ROS1: variants seen among roughly 807,000 people sequenced by gnomAD.
ROS1 encodes ROS proto-oncogene 1, receptor tyrosine kinase, also known as proto-oncogene tyrosine-protein kinase ROS.
ROS1 carries 263 observed loss-of-function variants against 273.5 expected under a neutral mutation model. The ratio of observed to expected loss-of-function variants is 0.96; its 90% CI spans 0.87 to 1.06. The LOEUF is 1.06. Among genes scored for constraint, ROS1 ranks in the 50% least tolerant of loss-of-function variants. The pLI is 0.00. For missense variants in ROS1, 2,833 were observed against 2,751.1 expected, an observed-to-expected ratio of 1.03 and a Z score of -0.67; for synonymous variants, 1,008 against 954.1, an observed-to-expected ratio of 1.06 and a Z score of -1.04.
In ROS1 at chr6:117,319,898, A is replaced by C; in HGVS notation, c.5892T>G (p.Val1964=). 6.2e-7 allele frequency: 1 copy of C among 1,613,276 alleles called. No homozygotes were observed. Among genetic ancestry groups the C allele is most frequent in the South Asian group, 1.1e-5 (1 of 91,054 alleles). ...YEGTAVDILG[V]GSGEIKVAVK... is the part of the protein sequence containing the mutation. ...CTGCTACTTTGATTTCTCCACTTCCAACTCCTAAGATGTCCACTGCTGTTC... is the reference window on the plus strand; with the variant it reads ...CTGCTACTTTGATTTCTCCACTTCCCACTCCTAAGATGTCCACTGCTGTTC... The change falls in exon 37 of 44, where the codon GTT becomes GTG. Residue 1964 remains valine (V), a synonymous_variant. Coordinates refer to ENST00000368507, the MANE Select transcript of ROS1 (RefSeq NM_001378902.1).
intron 31 of ROS1, among the ~76,000 whole-genome samples, chr6:117,340,171 G>C (rs1268333160): frequency 1.3e-5 from 2 of 152,046 alleles, no homozygotes; most frequent in African/African-American, 4.8e-5. Context: ...TTTTTAAATA[G>C]ACAACAAATT....
chr6:117,403,675 T>C (rs1774142223), intron 6 of ROS1, among the ~76,000 whole-genome samples: 1 of 152,156 alleles, frequency 6.6e-6, no homozygotes, highest in African/African-American at 2.4e-5. Context: ...CCATCCTAGC[T>C]AGACTCATCT....
At chr6:117,398,604 A>G (rs999987301) in intron 7 of ROS1, among the ~76,000 whole-genome samples, 66 of 151,022 alleles carry the variant, frequency 4.4e-4, no homozygotes, top group African/African-American at 1.5e-3. Flanking sequence ...ACTTGAACCC[A>G]GGAGGCAGAA....
chr6:117,333,742 C>T (rs186521522), intron 32 of ROS1, among the ~76,000 whole-genome samples: 50 of 152,160 alleles, frequency 3.3e-4, no homozygotes, highest in African/African-American at 9.9e-4. Flanking sequence ...AAAAATCACA[C>T]GATTATCTGA....
intron 21 of ROS1, among the ~76,000 whole-genome samples, chr6:117,364,075 G>A (rs1780014534): frequency 6.6e-6 from 1 of 152,132 alleles, no homozygotes; most frequent in East Asian, 1.9e-4. Context: ...CCTGATGGAT[G>A]CAGTCAAGTC....
intron 18 of ROS1, among the ~76,000 whole-genome samples, chr6:117,369,356 A>ACATC (rs2128667414): frequency 6.6e-6 from 1 of 152,240 alleles, no homozygotes; most frequent in Admixed American, 6.5e-5. Flanking sequence ...GAGGAGCTAG[A>ACATC]CTCTTAAAGA....
At chr6:117,308,508 G>C (rs1775284877) in intron 42 of ROS1, among the ~76,000 whole-genome samples, 2 of 151,830 alleles carry the variant, frequency 1.3e-5, no homozygotes, top group African/African-American at 4.8e-5. Flanking sequence ...CATACACTCG[G>C]AGTGCTTTTA....
intron 4 of ROS1, among the ~76,000 whole-genome samples, chr6:117,410,586 A>G (rs1774822812): frequency 6.6e-6 from 1 of 152,214 alleles, no homozygotes; most frequent in Admixed American, 6.5e-5. Context: ...CAAAACACAC[A>G]CACACATACT....
chr6:117,379,009 G>T, intron 18 of ROS1, 50 bp downstream of exon 18: 1 of 1,083,600 alleles, frequency 9.2e-7, no homozygotes, highest in South Asian at 1.4e-5. Context: ...TATCATTTAT[G>T]ACTGACAAGT....
intron 34 of ROS1, among the ~76,000 whole-genome samples, chr6:117,325,531 A>G (rs1776572121): frequency 6.6e-6 from 1 of 152,208 alleles, no homozygotes; most frequent in Admixed American, 6.5e-5. Flanking sequence ...ATGGAGAGCC[A>G]TTGTGGGTAT....
At chr6:117,420,938 CT>C (rs1489607831) in intron 1 of ROS1, among the ~76,000 whole-genome samples, 2 of 151,632 alleles carry the variant, frequency 1.3e-5, no homozygotes, top group African/African-American at 2.4e-5. Flanking sequence ...TATATTTTCT[CT>C]TTCAATTTTG....
chr6:117,332,393 G>A (rs1276151632), intron 32 of ROS1, among the ~76,000 whole-genome samples: 2 of 152,118 alleles, frequency 1.3e-5, no homozygotes, highest in East Asian at 3.9e-4. Context: ...CGCAATAGTA[G>A]TGGGAAACTT....
At chr6:117,290,890 C>T (rs1023078598) in intron 43 of ROS1, among the ~76,000 whole-genome samples, 1 of 152,174 alleles carries the variant, frequency 6.6e-6, no homozygotes, top group Non-Finnish European at 1.5e-5. Flanking sequence ...TCTCCAACAA[C>T]AACAATGAAG....
chr6:117,336,814 C>T (rs1582659200), intron 32 of ROS1, among the ~76,000 whole-genome samples: 1 of 152,024 alleles, frequency 6.6e-6, no homozygotes, highest in African/African-American at 2.4e-5. Flanking sequence ...TAATGAACTT[C>T]TTATATTTTT....
rs545875211 is a variant in ROS1, at chr6:117,316,796, G to A, written c.6117+347C>T. 2.4e-4 allele frequency among the ~76,000 whole-genome samples: 37 copies of A among 152,228 alleles called. No individual in the cohort carries two copies. The South Asian group carries it at 7.5e-3, about 31-fold the overall frequency. On this transcript the variant is annotated intron_variant, in intron 39 of 43. Transcript: ENST00000368507. ...GTCTGGTACTCAGTAAAGACATCAA[G>A]ACTGGAAATATAATTTGGGACAGAC...
At chr6:117,341,655 A>T in intron 29 of ROS1, 23 bp from the exon 30 acceptor site, 1 of 1,563,048 alleles carries the variant, frequency 6.4e-7, no homozygotes, top group Non-Finnish European at 8.8e-7. Context: ...GCAAGGAATG[A>T]TAAAGGATGC....
At chr6:117,328,898 A>C (rs1776845593) in intron 33 of ROS1, 3 of 611,702 alleles carry the variant, frequency 4.9e-6, no homozygotes, top group Non-Finnish European at 9.7e-6. Flanking sequence ...TCAGAACCTG[A>C]CCTAATTTTA....
At chr6:117,371,637 G>T (rs1780781758) in intron 18 of ROS1, among the ~76,000 whole-genome samples, 1 of 152,166 alleles carries the variant, frequency 6.6e-6, no homozygotes. Context: ...CAGGTGGGAG[G>T]TATGAAACCT....
At chr6:117,407,403 C>T (rs990517738) in intron 5 of ROS1, among the ~76,000 whole-genome samples, 44 of 152,300 alleles carry the variant, frequency 2.9e-4, no homozygotes, top group African/African-American at 9.9e-4. Flanking sequence ...GGCAAAGCTA[C>T]TTTGACATGC....
Sources: allele counts gnomAD v4.1 joint callset (sites outside exome capture counted in the v4.1 genomes callset), GRCh38; gene constraint gnomAD v4.1.1; transcripts MANE v1.5; gene names NCBI Gene and HGNC (gene_info 2026-07-23, HGNC 2026-07-21).